The following FER variants were observed in gnomAD, a reference collection of about 807,000 sequenced individuals.
The protein encoded by FER is tyrosine-protein kinase Fer.
In FER, 63 loss-of-function variants were observed where a neutral mutation model predicts 111.0. The observed-to-expected ratio is 0.57, with a 90% CI of 0.46 to 0.70. FER has a LOEUF of 0.70. Among genes scored for constraint, FER ranks in the 30% least tolerant of loss-of-function variants. The probability of loss-of-function intolerance (pLI) is 0.00; values close to 1 mark genes in which losing one functional copy is unlikely to be tolerated. For synonymous variants in FER, 327 were observed against 313.9 expected (o/e 1.04, Z -0.44); for missense variants, 914 against 954.0 (o/e 0.96, Z 0.55).
At chr5:109,037,535 C>T in intron 14 of FER, 57 bp downstream of exon 14, 1 of 1,419,678 alleles carries the variant, frequency 7.0e-7, no homozygotes, top group Non-Finnish European at 9.8e-7. Flanking sequence ...GTGAAGACTG[C>T]AGATTTTTTC....
At chr5:108,776,388 A>G (rs1275730429) in intron 2 of FER, among the ~76,000 whole-genome samples, 6 of 152,182 alleles carry the variant, frequency 3.9e-5, no homozygotes, top group Non-Finnish European at 5.9e-5. Context: ...CAATTTAGGC[A>G]ATTTATTACT....
At chr5:108,786,829 T>A (rs954131657) in intron 2 of FER, among the ~76,000 whole-genome samples, 1 of 152,206 alleles carries the variant, frequency 6.6e-6, no homozygotes, top group Non-Finnish European at 1.5e-5. Flanking sequence ...AACCCTATTT[T>A]TTTTCACTAT....
chr5:109,046,346 AATATAT>A (rs145546640), intron 15 of FER, among the ~76,000 whole-genome samples: 2 of 149,828 alleles, frequency 1.3e-5, no homozygotes, highest in Non-Finnish European at 3.0e-5. Context: ...TGTGTTAAAA[AATATAT>A]ATATATATAT....
intron 17 of FER, among the ~76,000 whole-genome samples, chr5:109,105,726 C>G (rs932664678): frequency 6.6e-6 from 1 of 152,152 alleles, no homozygotes; most frequent in African/African-American, 2.4e-5. Context: ...GTGTTTTGCT[C>G]TGTCTCATTC....
At chr5:109,176,803 A>G (rs1045788305) in intron 17 of FER, among the ~76,000 whole-genome samples, 65 of 152,236 alleles carry the variant, frequency 4.3e-4, no homozygotes, top group African/African-American at 1.4e-3. Context: ...GTATACTCGC[A>G]GTTGTCAACA....
At chr5:108,934,512 G>A (rs554362779) in intron 10 of FER, among the ~76,000 whole-genome samples, 3 of 152,102 alleles carry the variant, frequency 2.0e-5, no homozygotes, top group Non-Finnish European at 2.9e-5. Context: ...ACTTATTTTT[G>A]TCTTGGGAGT....
At chr5:108,867,724 T>C in intron 5 of FER, 43 bp from the exon 6 acceptor site, 1 of 1,555,330 alleles carries the variant, frequency 6.4e-7, no homozygotes, top group Non-Finnish European at 8.7e-7. Flanking sequence ...CAATTTTTTT[T>C]CTTATCTCTT....
chr5:109,151,133 A>G (rs1251279003), intron 17 of FER, among the ~76,000 whole-genome samples: 1 of 152,094 alleles, frequency 6.6e-6, no homozygotes, highest in Non-Finnish European at 1.5e-5. Flanking sequence ...GCCGTGCTAT[A>G]CTTTTTTGAT....
chr5:109,187,340 G>T, intron 19 of FER, 93 bp from the exon 20 acceptor site: 6 of 1,313,664 alleles, frequency 4.6e-6, no homozygotes, highest in South Asian at 2.9e-5. Flanking sequence ...ACAACATAAG[G>T]TACCAAAAGT....
intron 5 of FER, among the ~76,000 whole-genome samples, chr5:108,861,256 C>T (rs1360970848): frequency 6.6e-6 from 1 of 152,150 alleles, no homozygotes; most frequent in African/African-American, 2.4e-5. Context: ...ATGGCAAACA[C>T]TTCAGAAGTT....
At chr5:109,160,655 T>C (rs553497371) in intron 17 of FER, among the ~76,000 whole-genome samples, 2 of 152,262 alleles carry the variant, frequency 1.3e-5, no homozygotes, top group South Asian at 4.1e-4. Context: ...TTTTGTCTAA[T>C]TGTAAAATGC....
At chr5:109,017,718 T>C (rs76440429) in intron 13 of FER, among the ~76,000 whole-genome samples, 8,747 of 152,018 alleles carry the variant, frequency 0.058, 382 homozygotes, top group South Asian at 0.12. Flanking sequence ...ATTTAATTTG[T>C]TTATTTGCTT....
intron 16 of FER, among the ~76,000 whole-genome samples, chr5:109,075,592 T>G (rs186111695): frequency 2.6e-5 from 4 of 151,940 alleles, no homozygotes; most frequent in Admixed American, 2.6e-4. Context: ...CCCGGATAAT[T>G]TTTTGTATTT....
chr5:108,991,876 AAATT>A (rs1223639274), intron 13 of FER, among the ~76,000 whole-genome samples: 1 of 137,246 alleles, frequency 7.3e-6, no homozygotes, highest in African/African-American at 3.3e-5. Flanking sequence ...TTTTTTTTTT[AAATT>A]AATTAATTTA....
intron 3 of FER, among the ~76,000 whole-genome samples, chr5:108,807,848 A>G (rs1247641542): frequency 2.6e-5 from 4 of 151,776 alleles, no homozygotes; most frequent in African/African-American, 7.3e-5. Context: ...TAATGTTTTG[A>G]TTTCTGCCTT....
rs373991937 is a variant in FER, at chr5:109,153,830, G to A, written c.2049-26917G>A. Among the ~76,000 whole-genome samples, 98 of 151,880 alleles carry A rather than the reference G, an allele frequency of 6.5e-4. No individual in the cohort carries two copies. In the South Asian group the frequency reaches 6.8e-3, roughly 11 times the overall value. On this transcript the variant is annotated intron_variant, in intron 17 of 19. Coordinates refer to ENST00000281092, the MANE Select transcript of FER (RefSeq NM_005246.4). The stretch of plus-strand genomic sequence containing the variant: ...TGTATTTAACCATTAGCAGTATACC[G>A]TCTCTCATATTGGGAAAGTCACTTC...
At chr5:109,031,869 C>G (rs147865878) in intron 13 of FER, among the ~76,000 whole-genome samples, 1 of 152,120 alleles carries the variant, frequency 6.6e-6, no homozygotes, top group South Asian at 2.1e-4. Flanking sequence ...ACTCATGTGA[C>G]ACTTGAAATG....
chr5:109,108,444 C>G (rs1389427368), intron 17 of FER, among the ~76,000 whole-genome samples: 2 of 152,072 alleles, frequency 1.3e-5, no homozygotes, highest in African/African-American at 2.4e-5. Flanking sequence ...TTAGAGAAAG[C>G]CTTGTTGTAG....
At chr5:109,127,837 G>C (rs1052608116) in intron 17 of FER, among the ~76,000 whole-genome samples, 2 of 152,058 alleles carry the variant, frequency 1.3e-5, no homozygotes, top group African/African-American at 2.4e-5. Context: ...CATATGTTCA[G>C]AAGTAGGCTC....
Sources: gnomAD v4.1 joint callset for allele counts (sites outside exome capture counted in the v4.1 genomes callset) on GRCh38, gnomAD v4.1.1 for gene constraint, MANE v1.5 for transcripts, NCBI Gene and HGNC (gene_info 2026-07-23, HGNC 2026-07-21) for gene names.